The following TGM2 variants were observed in gnomAD, a reference collection of about 807,000 sequenced individuals.
TGM2 encodes transglutaminase 2, also known as protein-glutamine gamma-glutamyltransferase 2.
TGM2 carries 53 observed loss-of-function variants against 75.6 expected under a neutral mutation model. The ratio of observed to expected loss-of-function variants is 0.70; its 90% CI spans 0.56 to 0.88. The LOEUF is 0.88. Among genes scored for constraint, TGM2 ranks in the 40% least tolerant of loss-of-function variants. The pLI is 0.00. For missense variants in TGM2, 842 were observed against 928.5 expected, an observed-to-expected ratio of 0.91 and a Z score of 1.21; for synonymous variants, 374 against 381.1, an observed-to-expected ratio of 0.98 and a Z score of 0.22.
At chr20:38,161,638 TCCTTCA>T in intron 1 of TGM2, 39 bp from the exon 2 acceptor site, 1 of 1,612,990 alleles carries the variant, frequency 6.2e-7, no homozygotes, top group Non-Finnish European at 8.5e-7. Flanking sequence ...CTCGGGGGCA[TCCTTCA>T]GACCTCCAGT....
chr20:38,146,450 T>G, intron 6 of TGM2: 1 of 543,402 alleles, frequency 1.8e-6, no homozygotes. Context: ...AATCCTGAGT[T>G]TTTGAGAACG....
Position 38,139,421 on chromosome 20 carries a change from A to G in TGM2, c.1333T>C (p.Tyr445His). ...EREDITHTYK[Y>H]PEGSSEEREA... ...CTCTGAGGGCACATACCCTCTGGGT[A>G]TTTGTAGGTGTGGGTGATATCCTCC... The change falls in exon 9 of 13, where the codon TAC becomes CAC. Residue 445 changes from tyrosine to histidine, a missense_variant. Physicochemically the swap from Tyr to His is moderately conservative, Grantham distance 83. Coordinates refer to ENST00000361475, the MANE Select transcript of TGM2 (RefSeq NM_004613.4). 6.2e-7 allele frequency: 1 copy of G among 1,614,042 alleles called. No individual in the cohort carries two copies.
At chr20:38,132,924 G>C (rs1040450592) in intron 10 of TGM2, 7 of 450,300 alleles carry the variant, frequency 1.6e-5, no homozygotes, top group Non-Finnish European at 3.2e-5. Flanking sequence ...TTCATCCTGG[G>C]GAGGATCAGA....
intron 7 of TGM2, 121 bp downstream of exon 7, chr20:38,141,942 CA>C: frequency 7.9e-7 from 1 of 1,262,062 alleles, no homozygotes; most frequent in East Asian, 2.4e-5. Context: ...CAAGCCTGCT[CA>C]AATACTGCTG....
At chr20:38,163,022 G>A (rs1420438308) in intron 1 of TGM2, among the ~76,000 whole-genome samples, 1 of 152,154 alleles carries the variant, frequency 6.6e-6, no homozygotes, top group South Asian at 2.1e-4. Context: ...AGTCTCAAGG[G>A]GCTGCTGTGA....
rs45501296 is a variant in TGM2 at position 38,136,247 on chromosome 20, G to A, written c.1615+1866C>T. Among the ~76,000 whole-genome samples, 141 of 152,290 alleles carry A rather than the reference G, an allele frequency of 9.3e-4. 2 individuals are homozygous for A. Among genetic ancestry groups the A allele is most frequent in the South Asian group, 4.4e-3 (21 of 4,824 alleles). The stretch of plus-strand genomic sequence containing the variant: ...CAACTGTCAACACTGCAGACGCCCC[G>A]CCCGCAACACAGACCTGCTTTCTTA... On this transcript the variant is annotated intron_variant, in intron 10 of 12. Coordinates refer to ENST00000361475, the MANE Select transcript of TGM2 (RefSeq NM_004613.4).
At chr20:38,166,595 AG>A (rs1368376949), upstream of TGM2, 2 of 152,230 alleles carry the variant, frequency 1.3e-5, no homozygotes, top group Non-Finnish European at 1.5e-5. Flanking sequence ...TACATTCCGG[AG>A]CAAGCTCTAC....
At chr20:38,151,594 G>A (rs535549547) in intron 3 of TGM2, among the ~76,000 whole-genome samples, 3 of 152,158 alleles carry the variant, frequency 2.0e-5, no homozygotes, top group Admixed American at 6.5e-5. Flanking sequence ...CTGAGGTAGC[G>A]TGAGGGAGGC....
At chr20:38,154,956 A>T (rs1855925480) in intron 3 of TGM2, among the ~76,000 whole-genome samples, 1 of 152,186 alleles carries the variant, frequency 6.6e-6, no homozygotes, top group Non-Finnish European at 1.5e-5. Flanking sequence ...AAATACAAAA[A>T]TTAGCCAGGC....
chr20:38,156,195 TA>T, intron 2 of TGM2, 106 bp from the exon 3 acceptor site: 1 of 1,368,908 alleles, frequency 7.3e-7, no homozygotes, highest in Admixed American at 2.1e-5. Context: ...GTTCTGCCAC[TA>T]ACCACTGAAA....
intron 1 of TGM2, among the ~76,000 whole-genome samples, chr20:38,162,489 G>T (rs905920619): frequency 6.6e-6 from 1 of 152,012 alleles, no homozygotes; most frequent in Non-Finnish European, 1.5e-5. Context: ...CAAAGGGTCC[G>T]GTTTCTTTAA....
At position 38,146,811 on chromosome 20, in the gene TGM2, G is replaced by A. The variant is rs144447756; in HGVS notation, c.765C>T (p.Ile255=). 112 of 1,613,896 alleles carry A rather than the reference G, an allele frequency of 6.9e-5. No homozygotes were observed. The highest frequency in any genetic ancestry group is 8.6e-5 in the Non-Finnish European group (102 of 1,179,968). The change falls in exon 6 of 13, where the codon ATC becomes ATT. Residue 255 remains isoleucine, a synonymous_variant. Coordinates refer to ENST00000361475, the MANE Select transcript of TGM2 (RefSeq NM_004613.4). ...YGDGVSPMSW[I]GSVDILRRWK... ...AGCGCCGCAGGATGTCCACGCTGCC[G>A]ATCCAGGACATGGGGCTGACGCCGT...
At position 38,129,119 on chromosome 20, in the gene TGM2, A is replaced by C. The variant is rs2074796370; in HGVS notation, c.*1100T>G. 6.6e-6 allele frequency: 1 copy of C among 152,454 alleles called. No individual in the cohort carries two copies. Among genetic ancestry groups the C allele is most frequent in the Non-Finnish European group, 1.5e-5 (1 of 68,228 alleles). The allele number at this position is 152,454 out of a possible 1,614,324, so 9.4% of individuals were successfully genotyped here. A position where few individuals can be genotyped will look rare whatever the true frequency, so the allele number is the denominator to read the frequency against. ...GGGCCTATGGCTTAAGGCTTCGTGG[A>C]GCAGGGAGTGGACCTTGTGGTTATT... On this transcript the variant is annotated 3_prime_UTR_variant, in exon 13 of 13. Coordinates refer to ENST00000361475, the MANE Select transcript of TGM2 (RefSeq NM_004613.4).
chr20:38,136,472 C>T (rs567406511), intron 10 of TGM2, among the ~76,000 whole-genome samples: 1 of 152,344 alleles, frequency 6.6e-6, no homozygotes, highest in East Asian at 1.9e-4. Flanking sequence ...GAATCCCAGG[C>T]ATGAGTGCCT....
intron 7 of TGM2, 146 bp from the exon 8 acceptor site, chr20:38,141,531 C>A: frequency 4.3e-6 from 3 of 700,526 alleles, no homozygotes; most frequent in Non-Finnish European, 7.6e-6. Context: ...CTGCCTTGTT[C>A]TTCCCCCCAC....
At chr20:38,140,873 T>G (rs1315374941) in intron 8 of TGM2, among the ~76,000 whole-genome samples, 1 of 152,204 alleles carries the variant, frequency 6.6e-6, no homozygotes, top group Non-Finnish European at 1.5e-5. Context: ...TGTGCCTTAG[T>G]GTACTCTCTC....
chr20:38,130,511 C>T (rs1183561070), intron 12 of TGM2, 142 bp from the exon 13 acceptor site: 10 of 898,098 alleles, frequency 1.1e-5, no homozygotes, highest in Non-Finnish European at 1.7e-5. Context: ...CTCTGCGGGG[C>T]CTGGACAATC....
intron 11 of TGM2, among the ~76,000 whole-genome samples, 162 bp downstream of exon 11, chr20:38,132,178 T>C (rs2074841991): frequency 6.6e-6 from 1 of 152,118 alleles, no homozygotes; most frequent in South Asian, 2.1e-4. Context: ...TCTCTAGGCT[T>C]CATGATGCTT....
chr20:38,163,510 C>T (rs939093440), intron 1 of TGM2, among the ~76,000 whole-genome samples: 1 of 152,198 alleles, frequency 6.6e-6, no homozygotes, highest in African/African-American at 2.4e-5. Context: ...GGCTCCAGGT[C>T]CCAGAGCAAG....
Sources: gnomAD v4.1 joint callset for allele counts (sites outside exome capture counted in the v4.1 genomes callset) on GRCh38, gnomAD v4.1.1 for gene constraint, MANE v1.5 for transcripts, NCBI Gene and HGNC (gene_info 2026-07-23, HGNC 2026-07-21) for gene names.